The following INPP5A variants were observed in gnomAD, a reference collection of about 807,000 sequenced individuals.
INPP5A encodes the protein 43 kDa inositol polyphosphate 5-phophatase.
INPP5A carries 14 observed loss-of-function variants against 65.2 expected under a neutral mutation model. The ratio of observed to expected loss-of-function variants is 0.21; its 90% CI spans 0.14 to 0.34. The LOEUF (loss-of-function observed/expected upper bound fraction) is 0.34, where lower values mean the gene tolerates loss of function less well. INPP5A is among the 10% of genes least tolerant of loss of function. The pLI is 1.00. For synonymous variants in INPP5A, 207 were observed against 208.3 expected (o/e 0.99, Z 0.05); for missense variants, 431 against 545.6 (o/e 0.79, Z 2.09).
intron 4 of INPP5A, among the ~76,000 whole-genome samples, chr10:132,652,764 A>G (rs1286518013): frequency 6.6e-6 from 1 of 152,248 alleles, no homozygotes; most frequent in Non-Finnish European, 1.5e-5. Flanking sequence ...AGAAGAAAGT[A>G]GGAGTGGCTG....
In INPP5A at chr10:132,668,298, G is replaced by T. The variant is rs1019080983; in HGVS notation, c.306+17793G>T. ...TTCCTGCCATGGGCTGATGGCCTCG[G>T]CCTCCTTTCAGTTGAGGCTTTCTGT... On this transcript the variant is annotated intron_variant, in intron 4 of 15. Coordinates refer to ENST00000368594, the MANE Select transcript of INPP5A (RefSeq NM_005539.5). Among the ~76,000 whole-genome samples the T allele has an allele frequency of 9.9e-5, 15 of 152,160 alleles. 1 individual carries two copies. The highest frequency in any genetic ancestry group is 4.1e-4 in the South Asian group (2 of 4,828).
At chr10:132,693,380 C>CA (rs1845298874) in intron 5 of INPP5A, among the ~76,000 whole-genome samples, 1 of 152,064 alleles carries the variant, frequency 6.6e-6, no homozygotes, top group East Asian at 1.9e-4. Context: ...CAGAGACTGT[C>CA]AGAGTGGATT....
At chr10:132,719,524 C>G (rs1845820007) in intron 8 of INPP5A, among the ~76,000 whole-genome samples, 2 of 150,220 alleles carry the variant, frequency 1.3e-5, no homozygotes, top group South Asian at 4.2e-4. Flanking sequence ...CCTTAGACGG[C>G]TGTCTTGCGG....
intron 4 of INPP5A, among the ~76,000 whole-genome samples, chr10:132,652,493 C>G (rs2072590342): frequency 6.6e-6 from 1 of 152,214 alleles, no homozygotes; most frequent in African/African-American, 2.4e-5. Flanking sequence ...AATAAACATA[C>G]CAACGCAGGC....
chr10:132,749,341 G>A (rs886691644), intron 9 of INPP5A, among the ~76,000 whole-genome samples, 176 bp from the exon 10 acceptor site: 5 of 151,698 alleles, frequency 3.3e-5, no homozygotes, highest in African/African-American at 7.2e-5. Flanking sequence ...CCCTTCGCAC[G>A]TGTGAGGGTC....
Position 132,663,548 on chromosome 10 carries a change from G to A in INPP5A, c.306+13043G>A, listed in dbSNP as rs556004176. Among the ~76,000 whole-genome samples the A allele has an allele frequency of 6.6e-6, 1 of 152,192 alleles. No individual in the cohort carries two copies. The highest frequency in any genetic ancestry group is 6.5e-5 in the Admixed American group (1 of 15,276). On this transcript the variant is annotated intron_variant, in intron 4 of 15. Transcript: ENST00000368594. The surrounding 1 kb of genome is among the most constrained non-coding windows in gnomAD (Gnocchi z 4.5). ...AAAGACATTTTTAAGGTTAAGTAAGGCTTTGTTGATTTTGAATGTAACATT... is the reference window on the plus strand; with the variant it reads ...AAAGACATTTTTAAGGTTAAGTAAGACTTTGTTGATTTTGAATGTAACATT...
At chr10:132,751,956 G>C (rs1397355179) in intron 11 of INPP5A, among the ~76,000 whole-genome samples, 2 of 149,540 alleles carry the variant, frequency 1.3e-5, no homozygotes, top group Non-Finnish European at 3.0e-5. Context: ...AGGCGTCTGC[G>C]TGAAAGGGGG....
intron 12 of INPP5A, among the ~76,000 whole-genome samples, chr10:132,775,001 G>T (rs1296939365): frequency 2.2e-4 from 11 of 50,516 alleles, no homozygotes; most frequent in Non-Finnish European, 2.9e-4. Context: ...GGAGGAGAGA[G>T]GGGCAGAGAG....
chr10:132,755,629 T>A (rs1332112112), intron 11 of INPP5A, among the ~76,000 whole-genome samples: 1 of 151,240 alleles, frequency 6.6e-6, no homozygotes, highest in Non-Finnish European at 1.5e-5. Flanking sequence ...TGTGTGTGTG[T>A]GTGAGCAGGC....
Position 132,782,200 on chromosome 10 carries a change from C to G in INPP5A, c.*171C>G, listed in dbSNP as rs1847175942. ...CCTCCGGACCATTCCGGAGCAGCCTCACATACCTCACTGTCTCGTCTGTCT... is the reference window on the plus strand; with the variant it reads ...CCTCCGGACCATTCCGGAGCAGCCTGACATACCTCACTGTCTCGTCTGTCT... On this transcript the variant is annotated 3_prime_UTR_variant, in exon 16 of 16. Transcript: ENST00000368594. The surrounding 1 kb of genome is among the most constrained non-coding windows in gnomAD (Gnocchi z 4.4). 1.1e-6 allele frequency: 1 copy of G among 916,132 alleles called. No individual in the cohort carries two copies. The highest frequency in any genetic ancestry group is 1.7e-6 in the Non-Finnish European group (1 of 594,870). The allele number at this position is 916,132 out of a possible 1,614,324, so 56.8% of individuals were successfully genotyped here. A position where few individuals can be genotyped will look rare whatever the true frequency, so the allele number is the denominator to read the frequency against.
chr10:132,538,160 C>A lies in INPP5A; in HGVS notation c.64C>A (p.Leu22Ile). ...VLLVTANVGS[L>I]FDDPENLQKN... ...GCTGGTCACGGCCAACGTGGGCTCG[C>A]TCTTCGACGACGTAAGTCCCCCGTG... Residue 22 changes from leucine (L) to isoleucine (I), a missense_variant, in exon 1 of 16, where the codon CTC (leucine) becomes ATC (isoleucine). Physicochemically the swap from Leu to Ile is conservative, Grantham distance 5 (BLOSUM62 2). Transcript: ENST00000368594. The surrounding 1 kb of genome is among the most constrained non-coding windows in gnomAD (Gnocchi z 4.1). 2 of 1,282,738 alleles carry A rather than the reference C, an allele frequency of 1.6e-6. No individual in the cohort carries two copies. The highest frequency in any genetic ancestry group is 3.1e-5 in the East Asian group (1 of 32,256). 79.5% of individuals were successfully genotyped at this position (1,282,738 alleles called of 1,614,324 possible). A position where few individuals can be genotyped will look rare whatever the true frequency, so the allele number is the denominator to read the frequency against.
chr10:132,776,173 T>C (rs1201737369), intron 12 of INPP5A, among the ~76,000 whole-genome samples: 1 of 152,198 alleles, frequency 6.6e-6, no homozygotes, highest in Non-Finnish European at 1.5e-5. Flanking sequence ...CCTGAAAGCA[T>C]GTGCAGCTGT....
intron 12 of INPP5A, 85 bp downstream of exon 12, chr10:132,765,931 G>A: frequency 1.2e-6 from 1 of 806,316 alleles, no homozygotes; most frequent in South Asian, 1.4e-5. Flanking sequence ...CTGCGTGTCT[G>A]TGTGTGCCAG....
chr10:132,562,551 G>A (rs1016676816), intron 1 of INPP5A, among the ~76,000 whole-genome samples: 9 of 152,378 alleles, frequency 5.9e-5, no homozygotes, highest in East Asian at 5.8e-4. Flanking sequence ...CAGAGACTGC[G>A]TTCTGGATGT....
intron 8 of INPP5A, among the ~76,000 whole-genome samples, chr10:132,722,946 A>C (rs1239158874): frequency 2.0e-5 from 3 of 152,202 alleles, no homozygotes; most frequent in Non-Finnish European, 2.9e-5. Context: ...ATTGAAATTG[A>C]AAGTGAGCTC....
intron 11 of INPP5A, among the ~76,000 whole-genome samples, chr10:132,759,489 C>T (rs1348058055): frequency 6.6e-6 from 1 of 152,224 alleles, no homozygotes; most frequent in Admixed American, 6.5e-5. Flanking sequence ...AGAACCTGCA[C>T]CAACAGGCGT....
chr10:132,775,294 A>G (rs966560377), intron 12 of INPP5A, among the ~76,000 whole-genome samples: 5 of 151,870 alleles, frequency 3.3e-5, no homozygotes, highest in African/African-American at 1.2e-4. Flanking sequence ...AGCCGCTCCC[A>G]CGCTGTAGGC....
rs538534631 is a variant in INPP5A, at chr10:132,743,504, G to A, written c.733-6013G>A. On this transcript the variant is annotated intron_variant, in intron 9 of 15. Coordinates refer to ENST00000368594, the MANE Select transcript of INPP5A (RefSeq NM_005539.5). ...CCCCTTGCGCGAACCCTGGAGGGCC[G>A]GACCCTAACCCTGGGGCTGTGGGCT... Among the ~76,000 whole-genome samples the A allele has an allele frequency of 1.2e-4, 18 of 152,372 alleles. No homozygotes were observed. In the East Asian group the frequency reaches 1.3e-3, roughly 11 times the overall value.
At chr10:132,708,479 AC>A (rs755080721) in intron 7 of INPP5A, 114 bp downstream of exon 7, 16 of 1,033,926 alleles carry the variant, frequency 1.5e-5, no homozygotes, top group Admixed American at 5.3e-5. Context: ...TTGCATGAGG[AC>A]CCCCAGCTGC....
Sources: gnomAD v4.1 joint callset for allele counts (sites outside exome capture counted in the v4.1 genomes callset) on GRCh38, gnomAD v4.1.1 for gene constraint, Gnocchi (gnomAD v3.1) non-coding constraint, MANE v1.5 for transcripts, NCBI Gene and HGNC (gene_info 2026-07-23, HGNC 2026-07-21) for gene names.